Variants in TAB3 observed in about 807,000 individuals in gnomAD.
TAB3 encodes the protein TGF-beta activated kinase 1 (MAP3K7) binding protein 3, also known as TGF-beta-activated kinase 1 and MAP3K7-binding protein 3.
Under a neutral mutation model 48.1 loss-of-function variants are expected in TAB3, and 18 were observed. The ratio of observed to expected loss-of-function variants is 0.37; its 90% CI spans 0.26 to 0.55. The LOEUF is 0.55. Among genes scored for constraint, TAB3 ranks in the 20% least tolerant of loss-of-function variants. The pLI, the probability that TAB3 is intolerant of heterozygous loss-of-function variation, is 0.78. For missense variants in TAB3, 414 were observed against 549.8 expected (o/e 0.75, Z 2.47); for synonymous variants, 185 against 190.2 (o/e 0.97, Z 0.22).
chrX:30,872,620 C>G (rs2147396284), intron 1 of TAB3, among the ~76,000 whole-genome samples: 1 of 112,556 alleles, frequency 8.9e-6, no homozygotes, highest in African/African-American at 3.2e-5. Flanking sequence ...AATGAGAAAG[C>G]AGTTTGTCCA....
intron 7 of TAB3, among the ~76,000 whole-genome samples, chrX:30,850,534 A>G (rs1938798099): frequency 9.2e-6 from 1 of 108,514 alleles, no homozygotes; most frequent in African/African-American, 3.4e-5. Context: ...AACATGGTGA[A>G]ACCCCGTCTC....
chrX:30,868,387 TTA>T (rs1167126345), intron 2 of TAB3, among the ~76,000 whole-genome samples: 3,040 of 12,077 alleles, frequency 0.25, 1,051 homozygotes, highest in Admixed American at 0.36. Flanking sequence ...TATATATAGC[TTA>T]TATATATATA....
chrX:30,848,283 G>C (rs945913782), intron 7 of TAB3, among the ~76,000 whole-genome samples: 3 of 112,172 alleles, frequency 2.7e-5, no homozygotes, highest in Non-Finnish European at 5.6e-5. Context: ...CGGCACTTTG[G>C]GGGGCCAAGG....
At position 30,854,562 on chromosome X, in the gene TAB3, A is replaced by AT; in HGVS notation, c.1102dup (p.Ile368AsnfsTer4). On this transcript the variant is annotated frameshift_variant, in exon 6 of 11. Transcript: ENST00000288422. LOFTEE classifies it high-confidence loss of function. ...AGGTCTTTGAGAAGGTTCAACTGTA[A>AT]TTTCTATCTTCTTCATGGAACCTTT... 8.3e-7 allele frequency: 1 copy of AT among 1,211,207 alleles called. No homozygotes were observed.
rs1324226968 is a variant in TAB3 at position 30,868,322 on chromosome X, A to ATATATAGCT, written c.-279-774_-279-773insAGCTATATA. 2.3e-4 allele frequency among the ~76,000 whole-genome samples: 15 copies of ATATATAGCT among 64,234 alleles called. 6 individuals carry two copies. The highest frequency in any genetic ancestry group is 8.8e-4 in the African/African-American group (15 of 16,950). The allele number at this position is 64,234 out of a possible 115,157, so 55.8% of individuals were successfully genotyped here. On this transcript the variant is annotated intron_variant, in intron 2 of 10. Transcript: ENST00000288422. Reference sequence around the variant, plus strand: ...AGCTATATATATATATAGCTTATATATATATATATATAAGCTTTTATATAT... The same window carrying ATATATAGCT: ...AGCTATATATATATATAGCTTATATATATATAGCTTATATATATATAAGCTTTTATATAT...
chrX:30,856,395 A>C (rs1939076954), intron 5 of TAB3, among the ~76,000 whole-genome samples: 1 of 112,284 alleles, frequency 8.9e-6, no homozygotes, highest in Non-Finnish European at 1.9e-5. Flanking sequence ...GGTAATAGCA[A>C]ACTGACACTT....
At chrX:30,849,289 A>G (rs902902003) in intron 7 of TAB3, among the ~76,000 whole-genome samples, 3 of 112,356 alleles carry the variant, frequency 2.7e-5, no homozygotes, top group African/African-American at 6.5e-5. Context: ...TGCATCTTAT[A>G]TCTTGCACTT....
At chrX:30,873,295 T>G (rs1372234053) in intron 1 of TAB3, among the ~76,000 whole-genome samples, 1 of 110,078 alleles carries the variant, frequency 9.1e-6, no homozygotes, top group Non-Finnish European at 1.9e-5. Flanking sequence ...CCCAGCACTT[T>G]GGGAGGCCGA....
rs1937948952 is a variant in TAB3 at position 30,828,643 on chromosome X, A to G, written c.*2784T>C. 1 of 112,563 alleles carries G rather than the reference A, an allele frequency of 8.9e-6. No homozygotes were observed. The highest frequency in any genetic ancestry group is 1.9e-5 in the Non-Finnish European group (1 of 53,384). The allele number at this position is 112,563 out of a possible 1,213,427, so 9.3% of individuals were successfully genotyped here. On this transcript the variant is annotated 3_prime_UTR_variant, in exon 11 of 11. Transcript: ENST00000288422. ...TGGCAAACGTGCTTTCTAAAATCCC[A>G]GTTTACAAAATAGCGAAATAATGTA...
chrX:30,836,350 G>A (rs1426471574), intron 9 of TAB3: 1 of 111,493 alleles, frequency 9.0e-6, no homozygotes, highest in East Asian at 2.8e-4. Flanking sequence ...TATTAGAAGT[G>A]TACATATGTA....
At chrX:30,833,444 CTT>C (rs1389495891) in intron 10 of TAB3, among the ~76,000 whole-genome samples, 1 of 111,520 alleles carries the variant, frequency 9.0e-6, no homozygotes, top group Non-Finnish European at 1.9e-5. Flanking sequence ...ATTTCAAAGA[CTT>C]AGTATAAAAA....
chrX:30,860,147 G>C (rs765095171), intron 4 of TAB3, among the ~76,000 whole-genome samples: 14 of 111,681 alleles, frequency 1.3e-4, no homozygotes, highest in African/African-American at 3.9e-4. Flanking sequence ...CCGTGTGTCC[G>C]TATCAATGAA....
chrX:30,827,976 AT>A lies in TAB3; in HGVS notation c.*3450del, dbSNP rs768669179. On this transcript the variant is annotated 3_prime_UTR_variant, in exon 11 of 11. Transcript: ENST00000288422. ...ATTTATTCTGATTTTTAAAAGTAACATTTCAGTTGTCATTTTTCTTTCTCTA... is the reference window on the plus strand; with the variant it reads ...ATTTATTCTGATTTTTAAAAGTAACATTCAGTTGTCATTTTTCTTTCTCTA... 5 of 112,473 alleles carry A rather than the reference AT, an allele frequency of 4.4e-5. No homozygotes were observed. Among genetic ancestry groups the A allele is most frequent in the Admixed American group, 1.9e-4 (2 of 10,553 alleles). The allele number at this position is 112,473 out of a possible 1,213,427, so 9.3% of individuals were successfully genotyped here. A position where few individuals can be genotyped will look rare whatever the true frequency, so the allele number is the denominator to read the frequency against.
chrX:30,853,082 C>T (rs1938920236), intron 6 of TAB3, 144 bp from the exon 7 acceptor site: 1 of 558,624 alleles, frequency 1.8e-6, no homozygotes, highest in Admixed American at 3.6e-5. Flanking sequence ...GCTATGCTGC[C>T]TCCACATCTG....
chrX:30,867,706 C>T (rs746520323), intron 2 of TAB3, among the ~76,000 whole-genome samples, 157 bp from the exon 3 acceptor site: 1 of 111,596 alleles, frequency 9.0e-6, no homozygotes, highest in African/African-American at 3.2e-5. Context: ...AGTATCCTTA[C>T]AAACTGAATC....
At chrX:30,841,219 A>C (rs1222166329) in intron 9 of TAB3, among the ~76,000 whole-genome samples, 2 of 111,592 alleles carry the variant, frequency 1.8e-5, no homozygotes, top group African/African-American at 6.5e-5. Flanking sequence ...TCAAGAGTTC[A>C]AGACCAGCCT....
At chrX:30,831,637 T>C (rs1938036317) in intron 10 of TAB3, 62 bp from the exon 11 acceptor site, 9 of 1,095,540 alleles carry the variant, frequency 8.2e-6, no homozygotes, top group Admixed American at 2.8e-5. Context: ...TTTCCAAGTA[T>C]AATCCAAACT....
chrX:30,865,811 A>G (rs1285387105), intron 4 of TAB3, among the ~76,000 whole-genome samples: 1 of 112,419 alleles, frequency 8.9e-6, no homozygotes, highest in Non-Finnish European at 1.9e-5. Context: ...AAAACAGAAG[A>G]GTTTTTGTAC....
At chrX:30,833,056 C>T (rs1170560145) in intron 10 of TAB3, among the ~76,000 whole-genome samples, 5 of 105,906 alleles carry the variant, frequency 4.7e-5, no homozygotes, top group Admixed American at 2.0e-4. Context: ...CTGCAAGCTC[C>T]GCCTCCTGGG....
Sources: allele counts gnomAD v4.1 joint callset (sites outside exome capture counted in the v4.1 genomes callset), GRCh38; gene constraint gnomAD v4.1.1; transcripts MANE v1.5; gene names NCBI Gene and HGNC (gene_info 2026-07-23, HGNC 2026-07-21).